BAZ2B: variants seen among roughly 807,000 people sequenced by gnomAD.
BAZ2B encodes bromodomain adjacent to zinc finger domain protein 2B.
Under a neutral mutation model 246.0 loss-of-function variants are expected in BAZ2B, and 91 were observed. The observed-to-expected ratio is 0.37, with a 90% CI of 0.31 to 0.44. The LOEUF (loss-of-function observed/expected upper bound fraction) is 0.44. Among genes scored for constraint, BAZ2B ranks in the 20% least tolerant of loss-of-function variants. BAZ2B has a pLI of 1.00. For missense variants in BAZ2B, 2,332 were observed against 2,533.7 expected, an observed-to-expected ratio of 0.92 and a Z score of 1.71; for synonymous variants, 855 against 860.0, an observed-to-expected ratio of 0.99 and a Z score of 0.10.
chr2:159,710,659 T>G, the BAZ2B span: 1 of 152,228 alleles, frequency 6.6e-6, no homozygotes, highest in East Asian at 1.9e-4. Context: ...CTTTATTTAC[T>G]AGCACCAATA....
At chr2:159,581,636 A>G (rs1402024277) in intron 1 of BAZ2B, among the ~76,000 whole-genome samples, 1 of 152,138 alleles carries the variant, frequency 6.6e-6, no homozygotes, top group Non-Finnish European at 1.5e-5. Flanking sequence ...TGTTTATTGC[A>G]GCACTATTCA....
intron 16 of BAZ2B, 166 bp downstream of exon 16, chr2:159,404,683 T>C (rs2065620024): frequency 1.7e-6 from 1 of 592,120 alleles, no homozygotes; most frequent in South Asian, 3.0e-5. Context: ...GAAGACTTTA[T>C]TAAAAAGGTA....
chr2:159,372,867 G>T (rs1313393703), intron 27 of BAZ2B, among the ~76,000 whole-genome samples, 178 bp downstream of exon 27: 1 of 152,172 alleles, frequency 6.6e-6, no homozygotes, highest in African/African-American at 2.4e-5. Context: ...AATATCAAGG[G>T]CTAGGAGGAA....
intron 2 of BAZ2B, among the ~76,000 whole-genome samples, chr2:159,524,423 G>A (rs918846713): frequency 2.6e-5 from 4 of 151,772 alleles, no homozygotes; most frequent in Admixed American, 6.6e-5. Flanking sequence ...CACTACACTC[G>A]AGCCTGGGCA....
At chr2:159,501,266 C>T (rs1374488146) in intron 2 of BAZ2B, among the ~76,000 whole-genome samples, 1 of 112,512 alleles carries the variant, frequency 8.9e-6, no homozygotes, top group Non-Finnish European at 1.9e-5. Flanking sequence ...TGGTGGCTTG[C>T]ACCTATAGTC....
Position 159,332,528 on chromosome 2 carries a change from G to A in BAZ2B, c.5943+12C>T, listed in dbSNP as rs771140073. 2 of 1,582,036 alleles carry A rather than the reference G, an allele frequency of 1.3e-6. No individual in the cohort carries two copies. The highest frequency in any genetic ancestry group is 1.7e-6 in the Non-Finnish European group (2 of 1,169,566). ...AAATAAAATGAAAAGTTTAGTTTTA[G>A]ATTGGTCTTACCTTAGCAATGCAAG... On this transcript the variant is annotated intron_variant, in intron 34 of 36. Coordinates refer to ENST00000392783, the MANE Select transcript of BAZ2B (RefSeq NM_013450.4).
chr2:159,334,346 T>C (rs1385385066), intron 33 of BAZ2B, among the ~76,000 whole-genome samples: 1 of 152,184 alleles, frequency 6.6e-6, no homozygotes, highest in Non-Finnish European at 1.5e-5. Context: ...CAGTAAAAAA[T>C]AGTGGATGCT....
chr2:159,343,549 G>A (rs575264896), intron 31 of BAZ2B, among the ~76,000 whole-genome samples: 26 of 152,052 alleles, frequency 1.7e-4, no homozygotes, highest in Middle Eastern at 6.8e-3. Context: ...CATCTCAACA[G>A]CAAAAAACCA....
chr2:159,346,847 A>G (rs931867666), intron 31 of BAZ2B, among the ~76,000 whole-genome samples: 1 of 152,144 alleles, frequency 6.6e-6, no homozygotes, highest in South Asian at 2.1e-4. Flanking sequence ...TCCACTGGAA[A>G]CCAGTTCTGA....
At chr2:159,440,897 C>G (rs2073270524) in intron 6 of BAZ2B, among the ~76,000 whole-genome samples, 1 of 152,078 alleles carries the variant, frequency 6.6e-6, no homozygotes, top group South Asian at 2.1e-4. Context: ...CTAATAGTTC[C>G]CATCATTTCT....
intron 2 of BAZ2B, among the ~76,000 whole-genome samples, chr2:159,547,748 G>C (rs2151423777): frequency 6.6e-6 from 1 of 152,206 alleles, no homozygotes; most frequent in Non-Finnish European, 1.5e-5. Context: ...ATTCTCTGAT[G>C]TTTCCATAAT....
At position 159,350,022 on chromosome 2, in the gene BAZ2B, G is replaced by A; in HGVS notation, c.4549C>T (p.Gln1517Ter). Residue 1517 changes from glutamine (Q) to a stop codon, truncating the protein, a stop_gained, in exon 28 of 37, where the codon CAA (glutamine) becomes TAA (stop). Coordinates refer to ENST00000392783, the MANE Select transcript of BAZ2B (RefSeq NM_013450.4). LOFTEE classifies it high-confidence loss of function. ...GAGTCTGCCTTTTCCACATTGCTTT[G>A]CGTTGCTGTTGACTGAACGCTGCCC... ...SLGSVQSTATQSNVEKADSNN... is the reference protein window; with the variant it reads ...SLGSVQSTAT 1 of 1,614,096 alleles carries A rather than the reference G, an allele frequency of 6.2e-7. No homozygotes were observed.
chr2:159,357,940 T>G (rs2059286795), intron 27 of BAZ2B, among the ~76,000 whole-genome samples: 1 of 152,176 alleles, frequency 6.6e-6, no homozygotes, highest in Non-Finnish European at 1.5e-5. Flanking sequence ...CCACCAGGCC[T>G]GCCTTACAAG....
At chr2:159,452,003 G>T (rs2075154422) in intron 4 of BAZ2B, among the ~76,000 whole-genome samples, 3 of 152,040 alleles carry the variant, frequency 2.0e-5, no homozygotes, top group Admixed American at 1.3e-4. Context: ...TTGTATTTCA[G>T]TAAATATCTG....
At chr2:159,672,830 T>A in the BAZ2B span, among the ~76,000 whole-genome samples, 1 of 152,200 alleles carries the variant, frequency 6.6e-6, no homozygotes, top group Admixed American at 6.5e-5. Flanking sequence ...TATATCTGGA[T>A]CAATTCTGCA....
intron 2 of BAZ2B, among the ~76,000 whole-genome samples, chr2:159,535,187 T>C (rs559683276): frequency 7.0e-6 from 1 of 143,568 alleles, no homozygotes; most frequent in Non-Finnish European, 1.5e-5. Context: ...TATTTCTATA[T>C]ACTCATGGAC....
intron 1 of BAZ2B, among the ~76,000 whole-genome samples, chr2:159,582,233 A>C (rs1485674663): frequency 3.3e-5 from 5 of 152,370 alleles, no homozygotes; most frequent in African/African-American, 1.2e-4. Flanking sequence ...CATATTAAAA[A>C]GGTCTGAAAG....
At chr2:159,608,343 C>G (rs569110663) in intron 1 of BAZ2B, among the ~76,000 whole-genome samples, 1 of 152,072 alleles carries the variant, frequency 6.6e-6, no homozygotes, top group African/African-American at 2.4e-5. Flanking sequence ...CCACTGCACT[C>G]CAGCCTGGAC....
rs112066737 is a variant in BAZ2B, at chr2:159,581,011, A to C, written c.-45-25146T>G. On this transcript the variant is annotated intron_variant, in intron 1 of 36. Transcript: ENST00000392783. ...CCATTCAGGACATAGGCATGGGCAAAGACTTCATGACTAAAACACCAAAAG... is the reference window on the plus strand; with the variant it reads ...CCATTCAGGACATAGGCATGGGCAACGACTTCATGACTAAAACACCAAAAG... 4.5e-3 allele frequency among the ~76,000 whole-genome samples: 685 copies of C among 152,310 alleles called. 3 individuals carry two copies. The highest frequency in any genetic ancestry group is 0.015 in the African/African-American group (626 of 41,580).
Sources: allele counts gnomAD v4.1 joint callset (sites outside exome capture counted in the v4.1 genomes callset), GRCh38; gene constraint gnomAD v4.1.1; transcripts MANE v1.5; gene names NCBI Gene and HGNC (gene_info 2026-07-23, HGNC 2026-07-21).